The following VPS53 variants were observed in gnomAD, a reference collection of about 807,000 sequenced individuals.
VPS53 encodes the protein VPS53 subunit of GARP complex.
Under a neutral mutation model 107.0 loss-of-function variants are expected in VPS53, and 70 were observed. That is an observed-to-expected ratio of 0.65 (90% confidence interval 0.54 to 0.80). The LOEUF is 0.80. Among genes scored for constraint, VPS53 ranks in the 30% least tolerant of loss-of-function variants. The pLI is 0.00. For synonymous variants in VPS53, 409 were observed against 393.3 expected, an observed-to-expected ratio of 1.04 and a Z score of -0.47; for missense variants, 917 against 1,049.4, an observed-to-expected ratio of 0.87 and a Z score of 1.74.
chr17:612,938 G>A (rs961656469), intron 11 of VPS53, among the ~76,000 whole-genome samples: 1 of 148,628 alleles, frequency 6.7e-6, no homozygotes, highest in Non-Finnish European at 1.5e-5. Flanking sequence ...ATTCACAGCA[G>A]TATTCAAATA....
In VPS53 at chr17:515,300, C is replaced by G. The variant is rs570424487; in HGVS notation, c.*3828G>C. On this transcript the variant is annotated 3_prime_UTR_variant, in exon 22 of 22. Coordinates refer to ENST00000437048, the MANE Select transcript of VPS53 (RefSeq NM_001128159.3). ...AGGCAGGAGTGCAATGGCATGATCT[C>G]GGCTCACTGCAGCCTCTGCCTCCTG... is the stretch of plus-strand genomic sequence containing the variant. 1 of 152,372 alleles carries G rather than the reference C, an allele frequency of 6.6e-6. No homozygotes were observed. The highest frequency in any genetic ancestry group is 6.5e-5 in the Admixed American group (1 of 15,278). The allele number at this position is 152,372 out of a possible 1,614,324, so 9.4% of individuals were successfully genotyped here.
In VPS53 at chr17:571,912, G is replaced by T. The variant is rs1005093264; in HGVS notation, c.1314-9167C>A. ...TCGCTACAACCTCCACCTCCCAGCCGCCTGCCTTGGCCTCCCAAAGTGCCC... is the reference window on the plus strand; with the variant it reads ...TCGCTACAACCTCCACCTCCCAGCCTCCTGCCTTGGCCTCCCAAAGTGCCC... On this transcript the variant is annotated intron_variant, in intron 13 of 21. Transcript: ENST00000437048. Among the ~76,000 whole-genome samples the T allele has an allele frequency of 6.4e-3, 969 of 152,280 alleles. 3 individuals are homozygous for T. Among genetic ancestry groups the T allele is most frequent in the Non-Finnish European group, 0.011 (750 of 68,004 alleles).
intron 15 of VPS53, among the ~76,000 whole-genome samples, chr17:553,914 T>C (rs1912107502): frequency 2.0e-5 from 3 of 152,102 alleles, no homozygotes; most frequent in Non-Finnish European, 4.4e-5. Flanking sequence ...ATCATCGTCA[T>C]TTTACAGATC....
intron 2 of VPS53, among the ~76,000 whole-genome samples, chr17:700,453 C>T (rs563019699): frequency 3.2e-4 from 49 of 151,902 alleles, no homozygotes; most frequent in South Asian, 1.0e-3. Context: ...CAAGAGGCTG[C>T]GGCAGGAGAA....
chr17:627,367 G>T lies in VPS53; in HGVS notation c.832-51C>A, dbSNP rs749660792. Reference sequence around the variant, plus strand: ...ACCCCAGTGGTTAGAAGTAGAAATGGCAGTTCAAGGAAACAAGCAAAAACA... The same window carrying T: ...ACCCCAGTGGTTAGAAGTAGAAATGTCAGTTCAAGGAAACAAGCAAAAACA... On this transcript the variant is annotated intron_variant, in intron 9 of 21. Transcript: ENST00000437048. 3.2e-6 allele frequency: 5 copies of T among 1,565,068 alleles called. No homozygotes were observed. The East Asian group carries it at 1.1e-4, about 36-fold the overall frequency.
At chr17:645,742 C>G (rs375379972) in intron 7 of VPS53, among the ~76,000 whole-genome samples, 8 of 152,374 alleles carry the variant, frequency 5.3e-5, no homozygotes, top group African/African-American at 1.7e-4. Flanking sequence ...TGCACAACCC[C>G]TTCCTTTATA....
At chr17:598,176 C>T (rs551203366) in intron 12 of VPS53, among the ~76,000 whole-genome samples, 62 of 152,294 alleles carry the variant, frequency 4.1e-4, no homozygotes, top group South Asian at 8.3e-4. Context: ...TTGGCCAGGC[C>T]GGTCTCCAGC....
In VPS53 at chr17:702,018, T is replaced by G. The variant is rs562711143; in HGVS notation, c.169-2638A>C. ...CACTGGGATTACAGGCATGAGGCAG[T>G]GCACCCGGCCCTATAATATCATTTT... On this transcript the variant is annotated intron_variant, in intron 2 of 21. Transcript: ENST00000437048. Among the ~76,000 whole-genome samples, 56 of 152,328 alleles carry G rather than the reference T, an allele frequency of 3.7e-4. 2 individuals carry two copies. The South Asian group carries it at 7.9e-3, about 21-fold the overall frequency.
At chr17:648,038 C>A (rs185271917) in intron 7 of VPS53, among the ~76,000 whole-genome samples, 2 of 152,306 alleles carry the variant, frequency 1.3e-5, no homozygotes, top group East Asian at 1.9e-4. Context: ...TCAGCAGTAG[C>A]CAGAGGGGCG....
At chr17:596,636 C>A (rs1455755792) in intron 12 of VPS53, among the ~76,000 whole-genome samples, 1 of 152,184 alleles carries the variant, frequency 6.6e-6, no homozygotes, top group Non-Finnish European at 1.5e-5. Context: ...CTGAAGTTTC[C>A]TTTTTTCTTA....
intron 4 of VPS53, among the ~76,000 whole-genome samples, chr17:664,880 T>C (rs1726965443): frequency 6.6e-6 from 1 of 152,080 alleles, no homozygotes; most frequent in Admixed American, 6.5e-5. Context: ...GACGCCCGGG[T>C]TTTGGTTGAA....
intron 7 of VPS53, among the ~76,000 whole-genome samples, chr17:643,442 G>T (rs113272054): frequency 3.4e-5 from 5 of 145,098 alleles, no homozygotes; most frequent in South Asian, 2.2e-4. Context: ...TACTTGGAAA[G>T]CGAGGACAAC....
At chr17:572,342 C>G (rs1476979312) in intron 13 of VPS53, among the ~76,000 whole-genome samples, 1 of 151,268 alleles carries the variant, frequency 6.6e-6, no homozygotes, top group Non-Finnish European at 1.5e-5. Flanking sequence ...AGCCCCTCCG[C>G]CCGGCAGCCG....
rs138992147 is a variant in VPS53 at position 692,270 on chromosome 17, T to C, written c.285+5148A>G. Among the ~76,000 whole-genome samples, 252 of 152,320 alleles carry C rather than the reference T, an allele frequency of 1.7e-3. 1 individual carries two copies. The highest frequency in any genetic ancestry group is 5.8e-3 in the African/African-American group (241 of 41,578). ...TTCTTGGGAAGCTGCAAAAATTTCA[T>C]AGCATACCACATCATGTACTTGTTG... On this transcript the variant is annotated intron_variant, in intron 4 of 21. Coordinates refer to ENST00000437048, the MANE Select transcript of VPS53 (RefSeq NM_001128159.3).
chr17:623,669 T>C lies in VPS53; in HGVS notation c.980A>G (p.Glu327Gly). 1 of 1,610,574 alleles carries C rather than the reference T, an allele frequency of 6.2e-7. No individual in the cohort carries two copies. Among genetic ancestry groups the C allele is most frequent in the Non-Finnish European group, 8.5e-7 (1 of 1,177,284 alleles). ...TCTGGTACGCATAATCTTGGCAAGT[T>C]CTGCCCTTCAAAACAAAGAGATAAG... ...AVEFCHVTRA[E>G]LAKIMRTRAK... The change falls in exon 11 of 22, where the codon GAA (glutamate) becomes GGA (glycine). Residue 327 changes from glutamate (E) to glycine (G), a missense_variant. Physicochemically the swap from Glu to Gly is moderately conservative, Grantham distance 98. Transcript: ENST00000437048.
intron 2 of VPS53, among the ~76,000 whole-genome samples, chr17:708,850 C>T (rs918165383): frequency 3.3e-5 from 5 of 152,172 alleles, no homozygotes; most frequent in Non-Finnish European, 5.9e-5. Context: ...TATCCATATA[C>T]AATCATCTCT....
intron 19 of VPS53, among the ~76,000 whole-genome samples, chr17:529,398 T>TCTCACA (rs1555547310): frequency 6.7e-6 from 1 of 150,306 alleles, no homozygotes; most frequent in East Asian, 2.0e-4. Flanking sequence ...ACACACACAC[T>TCTCACA]CACACACACA....
rs1913108978 is a variant in VPS53, at chr17:562,496, G to A, written c.1556+7C>T. ...CCACCACTCAGACTATGAAGAACAG[G>A]ACTCACTTGGGCAGGTTGCCAGAGA... is the stretch of plus-strand genomic sequence containing the variant. On this transcript the variant is annotated splice_region_variant and intron_variant, in intron 14 of 21. Coordinates refer to ENST00000437048, the MANE Select transcript of VPS53 (RefSeq NM_001128159.3). The A allele has an allele frequency of 1.2e-6, 2 of 1,613,764 alleles. No homozygotes were observed. Among genetic ancestry groups the A allele is most frequent in the Non-Finnish European group, 1.7e-6 (2 of 1,179,980 alleles).
At chr17:657,131 G>C in intron 5 of VPS53, 1 of 1,295,092 alleles carries the variant, frequency 7.7e-7, no homozygotes, top group Non-Finnish European at 1.1e-6. Flanking sequence ...CTTGATGAGG[G>C]GTCAGGGTAG....
Sources: gnomAD v4.1 joint callset for allele counts (sites outside exome capture counted in the v4.1 genomes callset) on GRCh38, gnomAD v4.1.1 for gene constraint, MANE v1.5 for transcripts, NCBI Gene and HGNC (gene_info 2026-07-23, HGNC 2026-07-21) for gene names.